Variants in RPS6KC1 observed in about 807,000 individuals in gnomAD.
RPS6KC1 encodes the protein ribosomal protein S6 kinase C1.
In RPS6KC1, 54 loss-of-function variants were observed where a neutral mutation model predicts 103.8. The observed-to-expected ratio is 0.52, with a 90% CI of 0.42 to 0.65. The LOEUF (loss-of-function observed/expected upper bound fraction) is 0.65. RPS6KC1 is among the 30% of genes least tolerant of loss of function. The pLI is 0.00. For synonymous variants in RPS6KC1, 439 were observed against 438.7 expected (o/e 1.00, Z -0.01); for missense variants, 1,151 against 1,253.8 (o/e 0.92, Z 1.24).
At chr1:213,097,892 C>T (rs934500390) in intron 3 of RPS6KC1, among the ~76,000 whole-genome samples, 2 of 152,164 alleles carry the variant, frequency 1.3e-5, no homozygotes, top group Admixed American at 1.3e-4. Context: ...TCACCTCTCT[C>T]AGCCTTCATA....
the RPS6KC1 span, among the ~76,000 whole-genome samples, chr1:213,508,988 C>A: frequency 6.6e-6 from 1 of 152,168 alleles, no homozygotes; most frequent in African/African-American, 2.4e-5. Context: ...GTGCCTCATC[C>A]TTGGAGGTGA....
chr1:213,104,792 T>G (rs1488825157), intron 4 of RPS6KC1, among the ~76,000 whole-genome samples: 2 of 151,814 alleles, frequency 1.3e-5, no homozygotes, highest in Non-Finnish European at 2.9e-5. Context: ...GCTTAGACTG[T>G]TGTTCAGTGG....
chr1:213,363,723 TTTCGTTCTTTCTTTCTCTC>T, the RPS6KC1 span, among the ~76,000 whole-genome samples: 2 of 126,540 alleles, frequency 1.6e-5, no homozygotes, highest in East Asian at 2.1e-4. Context: ...TCTTTCTTTC[TTTCGTTCTTTCTTTCTCTC>T]TTCTTTCTCT....
At chr1:213,472,881 T>G in the RPS6KC1 span, among the ~76,000 whole-genome samples, 2 of 152,252 alleles carry the variant, frequency 1.3e-5, no homozygotes, top group Non-Finnish European at 2.9e-5. Flanking sequence ...TTCTGATGTG[T>G]GACTCTAAAG....
the RPS6KC1 span, among the ~76,000 whole-genome samples, chr1:213,462,251 G>A: frequency 1.3e-5 from 2 of 152,172 alleles, no homozygotes; most frequent in African/African-American, 2.4e-5. Context: ...TAAAAAGTCA[G>A]GAAGCAACAG....
intron 6 of RPS6KC1, among the ~76,000 whole-genome samples, chr1:213,164,360 C>T (rs1261538369): frequency 6.6e-6 from 1 of 152,078 alleles, no homozygotes; most frequent in East Asian, 1.9e-4. Context: ...TAAATTTCAT[C>T]AACAACTTTG....
chr1:213,067,418 A>G (rs986734713), intron 1 of RPS6KC1, among the ~76,000 whole-genome samples: 7 of 152,232 alleles, frequency 4.6e-5, no homozygotes, highest in African/African-American at 1.7e-4. Flanking sequence ...TGTTTATCCA[A>G]AAAAACTGTC....
chr1:213,683,256 G>T, the RPS6KC1 span, among the ~76,000 whole-genome samples: 2 of 152,166 alleles, frequency 1.3e-5, no homozygotes, highest in Non-Finnish European at 2.9e-5. Flanking sequence ...TTTGAGCTAG[G>T]CTAGGAACTG....
chr1:213,638,610 A>G, the RPS6KC1 span, among the ~76,000 whole-genome samples: 21,876 of 151,984 alleles, frequency 0.14, 2,516 homozygotes, highest in African/African-American at 0.32. Context: ...TTTGTTGGAA[A>G]TACTATTTTT....
chr1:213,252,730 C>T (rs1033991982), intron 12 of RPS6KC1, among the ~76,000 whole-genome samples: 9 of 152,064 alleles, frequency 5.9e-5, no homozygotes, highest in Non-Finnish European at 1.3e-4. Flanking sequence ...AATCCTGTGG[C>T]ATTAGAAAAC....
chr1:213,121,540 T>G (rs769310835), intron 5 of RPS6KC1, among the ~76,000 whole-genome samples: 1 of 152,246 alleles, frequency 6.6e-6, no homozygotes. Flanking sequence ...TGTCTTTTCC[T>G]TGAATTAAAT....
intron 7 of RPS6KC1, among the ~76,000 whole-genome samples, chr1:213,168,441 G>C (rs1298389677): frequency 6.6e-6 from 1 of 152,192 alleles, no homozygotes; most frequent in Non-Finnish European, 1.5e-5. Context: ...TGCTAGACTT[G>C]TCTAAAACGC....
rs1389685067 is a variant in RPS6KC1, at chr1:213,148,806, G to A, written c.835+18917G>A. ...ATTCAGCAATGAAGCCATCAGTCCT[G>A]GGCTTTTCTTTACTTAGAGATTTTT... On this transcript the variant is annotated intron_variant, in intron 6 of 14. Transcript: ENST00000366960. Among the ~76,000 whole-genome samples the A allele has an allele frequency of 2.6e-5, 4 of 151,968 alleles. No homozygotes were observed. In the East Asian group the frequency reaches 7.7e-4, roughly 29 times the overall value.
chr1:213,167,488 AC>A (rs59210961), intron 6 of RPS6KC1, among the ~76,000 whole-genome samples: 7,392 of 130,186 alleles, frequency 0.057, 593 homozygotes, highest in African/African-American at 0.24. Context: ...ACACACACAC[AC>A]AACAGCTGTT....
At chr1:213,423,338 C>T in the RPS6KC1 span, among the ~76,000 whole-genome samples, 13 of 152,140 alleles carry the variant, frequency 8.5e-5, no homozygotes, top group African/African-American at 3.1e-4. Context: ...CTCATTTCAC[C>T]CCATTCTTGA....
the RPS6KC1 span, among the ~76,000 whole-genome samples, chr1:213,305,118 T>G: frequency 1.2e-4 from 19 of 152,034 alleles, no homozygotes; most frequent in African/African-American, 4.1e-4. Context: ...AGAGTGTTGC[T>G]CTGTTGCCCA....
At chr1:213,560,390 A>C in the RPS6KC1 span, among the ~76,000 whole-genome samples, 1 of 152,182 alleles carries the variant, frequency 6.6e-6, no homozygotes, top group African/African-American at 2.4e-5. Context: ...ACTGTCAAAG[A>C]AGACATGGCT....
intron 8 of RPS6KC1, among the ~76,000 whole-genome samples, chr1:213,201,624 C>T (rs1474131344): frequency 6.6e-6 from 1 of 152,212 alleles, no homozygotes; most frequent in Non-Finnish European, 1.5e-5. Flanking sequence ...TCATCAGTTG[C>T]AACACATGTG....
At chr1:213,849,184 G>A in the RPS6KC1 span, among the ~76,000 whole-genome samples, 1 of 152,300 alleles carries the variant, frequency 6.6e-6, no homozygotes, top group East Asian at 1.9e-4. Context: ...GAAAGTTTGG[G>A]TTTCATGGAC....
Sources: gnomAD v4.1 joint callset for allele counts (sites outside exome capture counted in the v4.1 genomes callset) on GRCh38, gnomAD v4.1.1 for gene constraint, MANE v1.5 for transcripts, NCBI Gene and HGNC (gene_info 2026-07-23, HGNC 2026-07-21) for gene names.